Variants in DOK4 observed in about 807,000 individuals in gnomAD.
DOK4 encodes the protein docking protein 4, also known as downstream of tyrosine kinase 4.
In DOK4, 26 loss-of-function variants were observed where a neutral mutation model predicts 40.1. The observed-to-expected ratio is 0.65, with a 90% CI of 0.48 to 0.90. The LOEUF (loss-of-function observed/expected upper bound fraction) is 0.90. Ranked by LOEUF, DOK4 falls within the 40% of genes least tolerant of loss-of-function variation. The pLI is 0.00. For missense variants in DOK4, 392 were observed against 437.2 expected, an observed-to-expected ratio of 0.90 and a Z score of 0.92; for synonymous variants, 179 against 177.0, an observed-to-expected ratio of 1.01 and a Z score of -0.09.
At chr16:57,476,508 G>A (rs1400584375) in intron 2 of DOK4, among the ~76,000 whole-genome samples, 1 of 152,156 alleles carries the variant, frequency 6.6e-6, no homozygotes, top group African/African-American at 2.4e-5. Flanking sequence ...TGGGGATAGG[G>A]ATTAGACCCT....
intron 1 of DOK4, among the ~76,000 whole-genome samples, chr16:57,482,948 C>T (rs1390210676): frequency 6.6e-6 from 1 of 152,218 alleles, no homozygotes; most frequent in African/African-American, 2.4e-5. Flanking sequence ...CGCAGGAGTG[C>T]TCCTGCTGCG....
chr16:57,473,389 G>T lies in DOK4; in HGVS notation c.969C>A (p.Thr323=), dbSNP rs753285076. 6 of 1,613,528 alleles carry T rather than the reference G, an allele frequency of 3.7e-6. No individual in the cohort carries two copies. The African/African-American group carries it at 8.0e-5, about 22-fold the overall frequency. ...GCCAGCACTGTGGTCACTGGGATGG[G>T]GTCTTGGCCTCACTGCTGTCCCCCT... The change falls in exon 9 of 9, where the codon ACC becomes ACA. Residue 323 remains threonine (T), a synonymous_variant. Coordinates refer to ENST00000340099, the Ensembl canonical transcript of DOK4.
At chr16:57,482,502 G>A (rs1192092921) in intron 1 of DOK4, among the ~76,000 whole-genome samples, 16 of 151,508 alleles carry the variant, frequency 1.1e-4, no homozygotes, top group Non-Finnish European at 1.9e-4. Flanking sequence ...GAGTAGCTGG[G>A]ACTACAGGAG....
rs1473050521 is a variant in DOK4, at chr16:57,479,412, AG to A, written c.66+29del. 2 of 1,610,702 alleles carry A rather than the reference AG, an allele frequency of 1.2e-6. No individual in the cohort carries two copies. The highest frequency in any genetic ancestry group is 1.7e-6 in the Non-Finnish European group (2 of 1,178,518). On this transcript the variant is annotated intron_variant, in intron 2 of 8. Transcript: ENST00000340099. This position sits in a 1 kb window ranked among gnomAD's most constrained non-coding sequence, Gnocchi z 5.8. The stretch of plus-strand genomic sequence containing the variant: ...AGTCCTCGGGCCCCCATCCCTTGGC[AG>A]GGCCCCTCCGCAGCTCAGGGTCACT...
chr16:57,486,782 A>T (rs1241907046), upstream of DOK4, among the ~76,000 whole-genome samples: 17 of 150,002 alleles, frequency 1.1e-4, no homozygotes, highest in Admixed American at 1.1e-3. Flanking sequence ...TCACATACAC[A>T]CCCATACGCC....
intron 1 of DOK4, chr16:57,480,549 C>G (rs1052552077): frequency 6.6e-6 from 1 of 152,536 alleles, no homozygotes; most frequent in Admixed American, 6.5e-5. Flanking sequence ...GGGGCCCGGG[C>G]CCCAACAGGC....
In DOK4 at chr16:57,485,220, G is replaced by T. The variant is rs1359914637; in HGVS notation, c.-182+1085C>A. On this transcript the variant is annotated intron_variant, in intron 1 of 8. Transcript: ENST00000340099. The surrounding 1 kb of genome is among the most constrained non-coding windows in gnomAD (Gnocchi z 4.3). ...GCAGTTTGGTTCAGAGCTGCCTCAG[G>T]GAAGAGCATGCTGCTGACATCGAGG... Among the ~76,000 whole-genome samples, 1 of 152,228 alleles carries T rather than the reference G, an allele frequency of 6.6e-6. No homozygotes were observed. Among genetic ancestry groups the T allele is most frequent in the South Asian group, 2.1e-4 (1 of 4,836 alleles).
intron 2 of DOK4, among the ~76,000 whole-genome samples, chr16:57,477,715 G>A (rs971907466): frequency 2.0e-5 from 3 of 152,186 alleles, no homozygotes; most frequent in Non-Finnish European, 2.9e-5. Flanking sequence ...GCTCTGCCGC[G>A]GGAGAAAGGC....
chr16:57,475,787 T>C, intron 3 of DOK4, 63 bp downstream of exon 3: 4 of 744,230 alleles, frequency 5.4e-6, no homozygotes, highest in Non-Finnish European at 7.7e-6. Flanking sequence ...CCTCTCTCCC[T>C]CTCTCTCTCT....
At position 57,479,617 on chromosome 16, in the gene DOK4, G is replaced by GCTGC; in HGVS notation, c.-114_-111dup. The GCTGC allele has an allele frequency of 8.2e-7, 1 of 1,213,066 alleles. No homozygotes were observed. Among genetic ancestry groups the GCTGC allele is most frequent in the Non-Finnish European group, 1.2e-6 (1 of 838,044 alleles). 75.1% of individuals were successfully genotyped at this position (1,213,066 alleles called of 1,614,324 possible). A position where few individuals can be genotyped will look rare whatever the true frequency, so the allele number is the denominator to read the frequency against. On this transcript the variant is annotated 5_prime_UTR_variant, in exon 2 of 9. Coordinates refer to ENST00000340099, the Ensembl canonical transcript of DOK4. The surrounding 1 kb of genome is among the most constrained non-coding windows in gnomAD (Gnocchi z 5.8). ...CACCTGTTCCAGACACTCTGTCGGG[G>GCTGC]CTGCCGCGAGGGGCTGCTCCTCACC...
At chr16:57,474,178 AC>A in intron 6 of DOK4, 139 bp from the exon 7 acceptor site, 1 of 1,121,724 alleles carries the variant, frequency 8.9e-7, no homozygotes. Context: ...TGGGGGTCCG[AC>A]CACACGGTGC....
At chr16:57,478,959 G>A (rs1029322729) in intron 2 of DOK4, among the ~76,000 whole-genome samples, 9 of 152,120 alleles carry the variant, frequency 5.9e-5, no homozygotes, top group Non-Finnish European at 8.8e-5. Flanking sequence ...ATCTGCACAC[G>A]GAAAGCAGTC....
chr16:57,476,085 G>A, intron 2 of DOK4, 128 bp from the exon 3 acceptor site: 1 of 742,550 alleles, frequency 1.3e-6, no homozygotes, highest in Non-Finnish European at 2.2e-6. Flanking sequence ...CCCAGCCTGG[G>A]GACACCGGGG....
chr16:57,486,430 G>C (rs1401997921), exon 1 of DOK4: 3 of 151,896 alleles, frequency 2.0e-5, no homozygotes, highest in Non-Finnish European at 4.4e-5. Flanking sequence ...AGGCGGGGAC[G>C]GCGAGGGAGG....
chr16:57,483,569 G>A (rs2031470562), intron 1 of DOK4, among the ~76,000 whole-genome samples: 1 of 152,184 alleles, frequency 6.6e-6, no homozygotes, highest in Admixed American at 6.5e-5. Context: ...ATTCCAGGTA[G>A]CAGTGAGCTA....
chr16:57,475,250 C>T (rs1468918262), intron 4 of DOK4, 31 bp from the exon 5 acceptor site: 2 of 1,603,602 alleles, frequency 1.2e-6, no homozygotes, highest in African/African-American at 2.7e-5. Flanking sequence ...TCATGCAGCT[C>T]CAGAGCCCGG....
chr16:57,483,288 G>A (rs2146670037), intron 1 of DOK4, among the ~76,000 whole-genome samples: 1 of 152,296 alleles, frequency 6.6e-6, no homozygotes, highest in Non-Finnish European at 1.5e-5. Flanking sequence ...TGTTAAGCAA[G>A]CGAGGCGGCC....
chr16:57,487,277 C>G (rs1013858851), upstream of DOK4: 12 of 152,208 alleles, frequency 7.9e-5, no homozygotes, highest in African/African-American at 2.9e-4. Context: ...AAAGTGTAGT[C>G]CCTGGACCAG....
exon 5 of DOK4, chr16:57,475,217 G>A (rs775198889): frequency 6.2e-7 from 1 of 1,611,996 alleles, no homozygotes. Context: ...TCTGCCTCTA[G>A]CTCTGAAGAA....
Sources: allele counts gnomAD v4.1 joint callset (sites outside exome capture counted in the v4.1 genomes callset), GRCh38; gene constraint gnomAD v4.1.1; non-coding constraint Gnocchi (gnomAD v3.1); transcripts MANE v1.5; gene names NCBI Gene and HGNC (gene_info 2026-07-23, HGNC 2026-07-21).